ZSCAN32: variants seen among roughly 807,000 people sequenced by gnomAD.
The protein encoded by ZSCAN32 is zinc finger and SCAN domain-containing protein 32.
Under a neutral mutation model 47.4 loss-of-function variants are expected in ZSCAN32, and 52 were observed. The ratio of observed to expected loss-of-function variants is 1.10; its 90% CI spans 0.88 to 1.38. The LOEUF is 1.38. ZSCAN32 is among the 40% of genes most tolerant of loss of function. ZSCAN32 has a pLI of 0.00. For synonymous variants in ZSCAN32, 346 were observed against 305.7 expected, an observed-to-expected ratio of 1.13 and a Z score of -1.38; for missense variants, 959 against 846.0, an observed-to-expected ratio of 1.13 and a Z score of -1.66.
At position 3,382,933 on chromosome 16, in the gene ZSCAN32, A is replaced by G. The variant is rs747342575; in HGVS notation, c.2013T>C (p.Thr671=). The G allele has an allele frequency of 1.9e-6, 3 of 1,613,394 alleles. No homozygotes were observed. Among genetic ancestry groups the G allele is most frequent in the Non-Finnish European group, 1.7e-6 (2 of 1,179,572 alleles). Residue 671 remains threonine, a synonymous_variant, in exon 7 of 7, where the codon ACT becomes ACC. Transcript: ENST00000396852. ...GATGACGGGTGAGGGCAGAGTTCTT[A>G]GTGAAGCCTCTCTCACAGTGAGAAC... The part of the protein sequence containing the change: ...YRCSHCERGF[T]KNSALTRHQT...
rs2031786194 is a variant in ZSCAN32, at chr16:3,385,039, C to T, written c.752-98G>A. On this transcript the variant is annotated intron_variant, in intron 5 of 6. Coordinates refer to ENST00000396852, the MANE Select transcript of ZSCAN32 (RefSeq NM_001284527.2). ...GTTTTGGCAGCTTAAAAAGTTACAT[C>T]CTAGGCTGGATGCGGTGGCTCACAC... 4 of 1,430,832 alleles carry T rather than the reference C, an allele frequency of 2.8e-6. No individual in the cohort carries two copies. In the African/African-American group the frequency reaches 4.3e-5, roughly 15 times the overall value. 88.6% of individuals were successfully genotyped at this position (1,430,832 alleles called of 1,614,324 possible).
intron 6 of ZSCAN32, 120 bp from the exon 7 acceptor site, chr16:3,383,831 G>C: frequency 1.9e-6 from 2 of 1,059,570 alleles, no homozygotes; most frequent in Non-Finnish European, 2.6e-6. Flanking sequence ...ATGTGATTAA[G>C]TCTCCTGCTA....
At position 3,382,914 on chromosome 16, in the gene ZSCAN32, G is replaced by C; in HGVS notation, c.2032C>G (p.Arg678Gly). Residue 678 changes from arginine (R) to glycine (G), a missense_variant, in exon 7 of 7, where the codon CGT (arginine) becomes GGT (glycine). Transcript: ENST00000396852. ...GCTTTCATGTGTACTGTCTGATGAC[G>C]GGTGAGGGCAGAGTTCTTAGTGAAG... ...RGFTKNSALT[R>G]HQTVHMKAVL... The C allele has an allele frequency of 3.1e-6, 5 of 1,609,960 alleles. No individual in the cohort carries two copies. The highest frequency in any genetic ancestry group is 4.2e-6 in the Non-Finnish European group (5 of 1,177,754).
intron 3 of ZSCAN32, among the ~76,000 whole-genome samples, chr16:3,392,504 T>C (rs1465470109): frequency 6.6e-6 from 1 of 152,028 alleles, no homozygotes; most frequent in Non-Finnish European, 1.5e-5. Context: ...TAAGCCATTG[T>C]ACCCAGCCAA....
intron 6 of ZSCAN32, 126 bp from the exon 7 acceptor site, chr16:3,383,837 T>G: frequency 1.0e-6 from 1 of 992,706 alleles, no homozygotes; most frequent in Non-Finnish European, 1.4e-6. Context: ...TTAAGTCTCC[T>G]GCTAATTAAT....
chr16:3,398,691 A>G (rs549811543), intron 1 of ZSCAN32, among the ~76,000 whole-genome samples: 1 of 152,126 alleles, frequency 6.6e-6, no homozygotes, highest in South Asian at 2.1e-4. Context: ...TTCTTCCCTC[A>G]CACACCTAGG....
At chr16:3,393,214 A>ATATATAAATATATATATATT (rs2032973110) in intron 3 of ZSCAN32, among the ~76,000 whole-genome samples, 1 of 25,322 alleles carries the variant, frequency 3.9e-5, no homozygotes, top group Non-Finnish European at 6.3e-5. Flanking sequence ...ATATTTATAT[A>ATATATAAATATATATATATT]TATATATATA....
At chr16:3,384,349 A>G in intron 6 of ZSCAN32, 110 bp downstream of exon 6, 1 of 1,465,816 alleles carries the variant, frequency 6.8e-7, no homozygotes, top group African/African-American at 1.4e-5. Flanking sequence ...GTCACACATC[A>G]AGATGATGAT....
At chr16:3,399,830 T>G (rs1300018334) in intron 1 of ZSCAN32, among the ~76,000 whole-genome samples, 1 of 152,236 alleles carries the variant, frequency 6.6e-6, no homozygotes, top group Non-Finnish European at 1.5e-5. Flanking sequence ...GGTCTCAAAC[T>G]CCTGTGCTCA....
chr16:3,391,006 C>A (rs1222929162), intron 3 of ZSCAN32, among the ~76,000 whole-genome samples: 1 of 152,120 alleles, frequency 6.6e-6, no homozygotes, highest in Non-Finnish European at 1.5e-5. Flanking sequence ...CATTTTTTCT[C>A]AAGTCTCCAA....
At chr16:3,396,085 G>A (rs989517847) in intron 2 of ZSCAN32, among the ~76,000 whole-genome samples, 5 of 152,152 alleles carry the variant, frequency 3.3e-5, no homozygotes, top group African/African-American at 1.2e-4. Context: ...GTGATGGAAG[G>A]GGAACTGGGC....
At chr16:3,384,999 A>G (rs2031781208) in intron 5 of ZSCAN32, 58 bp from the exon 6 acceptor site, 2 of 1,551,226 alleles carry the variant, frequency 1.3e-6, no homozygotes, top group Non-Finnish European at 1.7e-6. Flanking sequence ...AGGACTGTAC[A>G]TACTGCAGTG....
intron 5 of ZSCAN32, among the ~76,000 whole-genome samples, chr16:3,389,708 G>C (rs933574758): frequency 1.3e-5 from 2 of 152,176 alleles, no homozygotes; most frequent in African/African-American, 4.8e-5. Flanking sequence ...TGTGCTCCTG[G>C]TGGCCACCTG....
intron 1 of ZSCAN32, among the ~76,000 whole-genome samples, chr16:3,399,154 C>T (rs3760082): frequency 7.9e-5 from 12 of 152,078 alleles, no homozygotes; most frequent in Admixed American, 1.3e-4. Flanking sequence ...ACCCGGGAGG[C>T]GGAGGTTGCA....
At position 3,384,610 on chromosome 16, in the gene ZSCAN32, A is replaced by G; in HGVS notation, c.1083T>C (p.Ile361=). Residue 361 remains isoleucine (I), a synonymous_variant, in exon 6 of 7, where the codon ATT becomes ATC. Transcript: ENST00000396852. ...TCTGGTGATTCAGCTCTCCAGCCTC[A>G]ATATCACTTCCTTCTTGGCCAGGAA... ...DAVPGQEGSD[I]EAGELNHQNG... is the part of the protein sequence containing the mutation. The G allele has an allele frequency of 6.2e-7, 1 of 1,614,102 alleles. No individual in the cohort carries two copies. Among genetic ancestry groups the G allele is most frequent in the South Asian group, 1.1e-5 (1 of 91,072 alleles).
chr16:3,397,522 T>C lies in ZSCAN32; in HGVS notation c.36A>G (p.Pro12=), dbSNP rs1460455495. ...CCTGTGTGGGATCCTTGTTTGAGGATGGGTGTGCCTCGGTACTCTTCACTG... is the reference window on the plus strand; with the variant it reads ...CCTGTGTGGGATCCTTGTTTGAGGACGGGTGTGCCTCGGTACTCTTCACTG... The part of the protein sequence containing the change: ...MAAVKSTEAH[P]SSNKDPTQGQ... The change falls in exon 2 of 7, where the codon CCA becomes CCG. Residue 12 remains proline (P), a synonymous_variant. Transcript: ENST00000396852. 1 of 1,549,594 alleles carries C rather than the reference T, an allele frequency of 6.5e-7. No individual in the cohort carries two copies. Among genetic ancestry groups the C allele is most frequent in the Non-Finnish European group, 8.7e-7 (1 of 1,146,286 alleles).
intron 6 of ZSCAN32, 68 bp from the exon 7 acceptor site, chr16:3,383,779 A>G: frequency 2.0e-6 from 3 of 1,463,430 alleles, no homozygotes; most frequent in Non-Finnish European, 2.7e-6. Flanking sequence ...ATGCAAAGTT[A>G]TAACTATACT....
In ZSCAN32 at chr16:3,384,671, G is replaced by A. The variant is rs1314327721; in HGVS notation, c.1022C>T (p.Ser341Phe). ...TGCCATAGGAGGTGCAGAGGCCCAG[G>A]AGCCTGAAAGAGCATTCATTTCCTC... The part of the protein sequence containing the change: ...FYEEMNALSG[S>F]WASAPPMASD... The change falls in exon 6 of 7, where the codon TCC (serine) becomes TTC (phenylalanine). Residue 341 changes from serine (S) to phenylalanine (F), a missense_variant. Ser to Phe is a radical substitution (Grantham distance 155). Coordinates refer to ENST00000396852, the MANE Select transcript of ZSCAN32 (RefSeq NM_001284527.2). 14 of 1,614,146 alleles carry A rather than the reference G, an allele frequency of 8.7e-6. No individual in the cohort carries two copies. Among genetic ancestry groups the A allele is most frequent in the Admixed American group, 5.0e-5 (3 of 60,008 alleles).
intron 6 of ZSCAN32, chr16:3,383,972 G>C (rs1265004062): frequency 1.6e-5 from 8 of 487,684 alleles, no homozygotes; most frequent in Non-Finnish European, 2.9e-5. Flanking sequence ...ACTGAGGCAA[G>C]ACATTAAGCA....
Sources: gnomAD v4.1 joint callset for allele counts (sites outside exome capture counted in the v4.1 genomes callset) on GRCh38, gnomAD v4.1.1 for gene constraint, MANE v1.5 for transcripts, NCBI Gene and HGNC (gene_info 2026-07-23, HGNC 2026-07-21) for gene names.